CORO7: variants seen among roughly 807,000 people sequenced by gnomAD.
The protein encoded by CORO7 is coronin-7.
In CORO7, 107 loss-of-function variants were observed where a neutral mutation model predicts 126.6. The ratio of observed to expected loss-of-function variants is 0.85; its 90% confidence interval spans 0.72 to 0.99. CORO7 has a LOEUF of 0.99. Among genes scored for constraint, CORO7 ranks in the 50% least tolerant of loss-of-function variants. The pLI, the probability that CORO7 is intolerant of heterozygous loss-of-function variation, is 0.00. For missense variants in CORO7, 1,314 were observed against 1,255.8 expected (o/e 1.05, Z -0.70); for synonymous variants, 603 against 536.8 (o/e 1.12, Z -1.70).
chr16:4,412,923 G>A (rs2056267130), intron 2 of CORO7: 1 of 233,876 alleles, frequency 4.3e-6, no homozygotes, highest in East Asian at 9.7e-5. Flanking sequence ...GTTACCACTA[G>A]CAATCAAGAG....
At chr16:4,372,373 C>A (rs2054566657) in intron 9 of CORO7, among the ~76,000 whole-genome samples, 7 of 152,240 alleles carry the variant, frequency 4.6e-5, no homozygotes, top group Admixed American at 3.9e-4. Flanking sequence ...GTCACTTTTC[C>A]CTCCTGGGGT....
chr16:4,404,697 C>T (rs1018795692), intron 6 of CORO7, among the ~76,000 whole-genome samples: 2 of 152,090 alleles, frequency 1.3e-5, no homozygotes, highest in Non-Finnish European at 2.9e-5. Context: ...TGCCTCAGGA[C>T]CGCCACGCCT....
rs761323614 is a variant in CORO7 at position 4,364,674 on chromosome 16, C to G, written c.1060G>C (p.Glu354Gln). 10 of 1,582,686 alleles carry G rather than the reference C, an allele frequency of 6.3e-6. No individual in the cohort carries two copies. The highest frequency in any genetic ancestry group is 1.3e-5 in the African/African-American group (1 of 74,512). The change falls in exon 13 of 28, where the codon GAG becomes CAG. Residue 354 changes from glutamate to glutamine, a missense_variant. By Grantham distance (29) the Glu-to-Gln change is conservative. Coordinates refer to ENST00000251166, the MANE Select transcript of CORO7 (RefSeq NM_024535.5). ...CCGGCAGTGTCCGGGAACAGGTCCT[C>G]GTGGAACTCCACAGCCTGGCCGCAG... is the stretch of plus-strand genomic sequence containing the variant. ...HVPRKAVEFH[E>Q]DLFPDTAGCV...
chr16:4,357,367 T>C (rs1241059372), intron 25 of CORO7, 108 bp from the exon 26 acceptor site: 6 of 1,270,414 alleles, frequency 4.7e-6, no homozygotes, highest in Non-Finnish European at 5.2e-6. Context: ...TTTTTTTTTT[T>C]TTTTTTTGAG....
chr16:4,359,820 C>T (rs2054100982), intron 21 of CORO7, among the ~76,000 whole-genome samples, 199 bp from the exon 22 acceptor site: 1 of 151,892 alleles, frequency 6.6e-6, no homozygotes, highest in African/African-American at 2.4e-5. Context: ...AATCACTCAC[C>T]CATCCATCTA....
chr16:4,362,135 A>G lies in CORO7; in HGVS notation c.1428T>C (p.Ala476=). 6 of 1,609,412 alleles carry G rather than the reference A, an allele frequency of 3.7e-6. No individual in the cohort carries two copies. Among genetic ancestry groups the G allele is most frequent in the South Asian group, 1.1e-5 (1 of 90,956 alleles). Residue 476 remains alanine, a synonymous_variant, in exon 16 of 28, where the codon GCT becomes GCC. Coordinates refer to ENST00000251166, the MANE Select transcript of CORO7 (RefSeq NM_024535.5). This position sits in a 1 kb window ranked among gnomAD's most constrained non-coding sequence, Gnocchi z 5.3. ...TGTCTCGGTGCAGGACAGTGCCCTGAGCATGGCGGAACTTGGAACTGGGGC... is the reference window on the plus strand; with the variant it reads ...TGTCTCGGTGCAGGACAGTGCCCTGGGCATGGCGGAACTTGGAACTGGGGC... ...LLGPSSKFRH[A]QGTVLHRDSH... is the part of the protein sequence containing the mutation.
chr16:4,366,978 C>A (rs2054367881), intron 9 of CORO7, among the ~76,000 whole-genome samples: 1 of 152,208 alleles, frequency 6.6e-6, no homozygotes, highest in Admixed American at 6.5e-5. Flanking sequence ...CTATCCCTCA[C>A]TGCGGTGACA....
rs202076698 is a variant in CORO7 at position 4,388,534 on chromosome 16, G to A, written c.702+11C>T. The A allele has an allele frequency of 1.2e-6, 2 of 1,610,762 alleles. No individual in the cohort carries two copies. The highest frequency in any genetic ancestry group is 4.5e-5 in the East Asian group (2 of 44,806). ...TGGCCGTGCCCTGCTCCTCCAGGAG[G>A]AACCCCCTACCTGGTTGAATCCAGT... On this transcript the variant is annotated intron_variant, in intron 8 of 27. Coordinates refer to ENST00000251166, the MANE Select transcript of CORO7 (RefSeq NM_024535.5).
chr16:4,355,497 C>T, intron 26 of CORO7, 125 bp from the exon 27 acceptor site: 3 of 1,075,060 alleles, frequency 2.8e-6, no homozygotes, highest in Non-Finnish European at 4.0e-6. Flanking sequence ...CGGAGTCTTG[C>T]TCTGTCGCCC....
intron 9 of CORO7, chr16:4,381,445 G>C: frequency 1.9e-6 from 3 of 1,580,542 alleles, no homozygotes; most frequent in Non-Finnish European, 2.6e-6. Context: ...CGGCATCCTG[G>C]ACACTGCCAA....
intron 9 of CORO7, chr16:4,382,438 A>G (rs774906262): frequency 2.5e-6 from 4 of 1,610,230 alleles, no homozygotes; most frequent in East Asian, 2.2e-5. Context: ...CGCTGAGTAC[A>G]CGGTCACCCA....
intron 6 of CORO7, among the ~76,000 whole-genome samples, chr16:4,399,722 C>T (rs1360072577): frequency 1.3e-5 from 2 of 151,920 alleles, no homozygotes; most frequent in African/African-American, 4.8e-5. Context: ...AGATCCCTGT[C>T]GCTACAGAAA....
At chr16:4,371,893 C>G (rs1025348761) in intron 9 of CORO7, 1 of 152,154 alleles carries the variant, frequency 6.6e-6, no homozygotes, top group Non-Finnish European at 1.5e-5. Context: ...GACTCGAACG[C>G]AGTTGCTTCG....
At chr16:4,358,929 C>A in intron 23 of CORO7, 1 of 319,968 alleles carries the variant, frequency 3.1e-6, no homozygotes, top group South Asian at 5.6e-5. Flanking sequence ...ATAGTTTAAC[C>A]TTATCTAGTG....
chr16:4,408,244 G>A lies in CORO7; in HGVS notation c.240C>T (p.Val80=), dbSNP rs2056081457. 6.2e-7 allele frequency: 1 copy of A among 1,614,136 alleles called. No individual in the cohort carries two copies. The highest frequency in any genetic ancestry group is 1.3e-5 in the African/African-American group (1 of 74,946). Residue 80 remains valine, a synonymous_variant, in exon 4 of 28, where the codon GTC becomes GTT. Transcript: ENST00000251166. ...CAAAGGGCGAGAAGTCCAAGTCGGTGACTAGGTCTGTGGGAGAGGAATGGC... is the reference window on the plus strand; with the variant it reads ...CAAAGGGCGAGAAGTCCAAGTCGGTAACTAGGTCTGTGGGAGAGGAATGGC... ...VAHLGCHSDL[V]TDLDFSPFDD...
chr16:4,378,953 C>T (rs1030449056), intron 9 of CORO7, among the ~76,000 whole-genome samples: 5 of 152,064 alleles, frequency 3.3e-5, no homozygotes, highest in Admixed American at 1.3e-4. Flanking sequence ...GCAGGGCCTG[C>T]GTGGGCCCAA....
At chr16:4,386,882 A>G (rs1302797812) in intron 9 of CORO7, among the ~76,000 whole-genome samples, 1 of 151,944 alleles carries the variant, frequency 6.6e-6, no homozygotes. Flanking sequence ...CTCAGGTGGG[A>G]GCTCTTCTGG....
At chr16:4,360,679 GT>G in intron 19 of CORO7, 131 bp from the exon 20 acceptor site, 1 of 1,357,446 alleles carries the variant, frequency 7.4e-7, no homozygotes, top group Non-Finnish European at 1.0e-6. Flanking sequence ...CTCACTGCTG[GT>G]CTTGCCTCTC....
At chr16:4,400,679 G>A (rs181476043) in intron 6 of CORO7, among the ~76,000 whole-genome samples, 1 of 151,728 alleles carries the variant, frequency 6.6e-6, no homozygotes, top group African/African-American at 2.4e-5. Context: ...AAGTAGCCGG[G>A]TGTGGTGGCA....
Sources: gnomAD v4.1 joint callset for allele counts (sites outside exome capture counted in the v4.1 genomes callset) on GRCh38, gnomAD v4.1.1 for gene constraint, Gnocchi (gnomAD v3.1) non-coding constraint, MANE v1.5 for transcripts, NCBI Gene and HGNC (gene_info 2026-07-23, HGNC 2026-07-21) for gene names.